The following ST6GALNAC3 variants were observed in gnomAD, a reference collection of about 807,000 sequenced individuals.
The protein encoded by ST6GALNAC3 is alpha-N-acetylgalactosaminide alpha-2,6-sialyltransferase 3.
In ST6GALNAC3, 25 loss-of-function variants were observed where a neutral mutation model predicts 32.7. That is an observed-to-expected ratio of 0.76 (90% confidence interval 0.56 to 1.07). The LOEUF is 1.07. ST6GALNAC3 is among the 50% of genes least tolerant of loss of function. The probability of loss-of-function intolerance (pLI) is 0.00; values close to 1 mark genes in which losing one functional copy is unlikely to be tolerated. For missense variants in ST6GALNAC3, 355 were observed against 382.4 expected, an observed-to-expected ratio of 0.93 and a Z score of 0.60; for synonymous variants, 129 against 133.1, an observed-to-expected ratio of 0.97 and a Z score of 0.21.
At chr1:76,606,041 G>T (rs1161652840) in intron 3 of ST6GALNAC3, among the ~76,000 whole-genome samples, 3 of 151,902 alleles carry the variant, frequency 2.0e-5, no homozygotes, top group African/African-American at 7.3e-5. Flanking sequence ...AGTCAGAGTG[G>T]CAATTATTAA....
At chr1:76,357,130 C>CTTTTTTTTTTTTTTTTTTTTTTTTTTTTT (rs55786044) in intron 2 of ST6GALNAC3, among the ~76,000 whole-genome samples, 1 of 111,176 alleles carries the variant, frequency 9.0e-6, no homozygotes, top group Non-Finnish European at 1.7e-5. Context: ...TTTTCTTTTT[C>CTTTTTTTTTTTTTTTTTTTTTTTTTTTTT]TTTTTTTTTT....
intron 1 of ST6GALNAC3, among the ~76,000 whole-genome samples, chr1:76,291,271 C>G (rs1008139318): frequency 6.6e-6 from 1 of 152,200 alleles, no homozygotes; most frequent in South Asian, 2.1e-4. Context: ...GTTGGAGGGG[C>G]GGGCTGATTG....
At chr1:76,080,696 C>T (rs186391932) in intron 1 of ST6GALNAC3, among the ~76,000 whole-genome samples, 11 of 149,978 alleles carry the variant, frequency 7.3e-5, no homozygotes, top group African/African-American at 2.0e-4. Context: ...GGTTCTCAAA[C>T]GATGAGGTCT....
chr1:76,373,119 T>C (rs1650962622), intron 2 of ST6GALNAC3, among the ~76,000 whole-genome samples: 1 of 152,046 alleles, frequency 6.6e-6, no homozygotes, highest in Admixed American at 6.6e-5. Context: ...TGATAACAGA[T>C]GGTAACAGGA....
chr1:76,615,710 A>G (rs1648249030), intron 3 of ST6GALNAC3, among the ~76,000 whole-genome samples: 1 of 152,182 alleles, frequency 6.6e-6, no homozygotes, highest in Non-Finnish European at 1.5e-5. Flanking sequence ...CAAATAAGGG[A>G]CATTTTCTAA....
chr1:76,306,013 G>T, intron 1 of ST6GALNAC3: 1 of 478,182 alleles, frequency 2.1e-6, no homozygotes, highest in Non-Finnish European at 4.2e-6. Context: ...TTAAAAACTG[G>T]TACCAGCCTT....
chr1:76,432,524 GGC>G (rs1471213480), intron 3 of ST6GALNAC3, among the ~76,000 whole-genome samples: 1 of 133,890 alleles, frequency 7.5e-6, no homozygotes, highest in African/African-American at 2.8e-5. Context: ...GCACAAACAT[GGC>G]TCGCTGAAGC....
At chr1:76,474,046 G>A (rs1659198057) in intron 3 of ST6GALNAC3, among the ~76,000 whole-genome samples, 1 of 152,146 alleles carries the variant, frequency 6.6e-6, no homozygotes, top group Non-Finnish European at 1.5e-5. Context: ...GTGAGACAGT[G>A]AGACAGCATC....
At chr1:76,112,365 G>T (rs1473510457) in intron 1 of ST6GALNAC3, among the ~76,000 whole-genome samples, 3 of 141,974 alleles carry the variant, frequency 2.1e-5, no homozygotes, top group Admixed American at 7.1e-5. Flanking sequence ...CTGGCCGGGC[G>T]GGGGGCTGAC....
chr1:76,195,604 C>T lies in ST6GALNAC3; in HGVS notation c.19-118201C>T, dbSNP rs527714530. Among the ~76,000 whole-genome samples, 13 of 152,278 alleles carry T rather than the reference C, an allele frequency of 8.5e-5. No homozygotes were observed. In the South Asian group the frequency reaches 2.3e-3, roughly 27 times the overall value. Reference sequence around the variant, plus strand: ...GCCACTGCCTTAATTTGTGCTAAGGCGCTAGCAATTTTACTGACCATTGCT... The same window carrying T: ...GCCACTGCCTTAATTTGTGCTAAGGTGCTAGCAATTTTACTGACCATTGCT... On this transcript the variant is annotated intron_variant, in intron 1 of 4. Coordinates refer to ENST00000328299, the MANE Select transcript of ST6GALNAC3 (RefSeq NM_152996.4).
intron 3 of ST6GALNAC3, among the ~76,000 whole-genome samples, chr1:76,441,224 A>G (rs1656578269): frequency 6.6e-6 from 1 of 152,090 alleles, no homozygotes; most frequent in South Asian, 2.1e-4. Flanking sequence ...ATGATCATAA[A>G]TATCATTTAC....
chr1:76,258,277 ATATT>A (rs1178957939), intron 1 of ST6GALNAC3, among the ~76,000 whole-genome samples: 1 of 152,192 alleles, frequency 6.6e-6, no homozygotes, highest in African/African-American at 2.4e-5. Flanking sequence ...CATTCCATAA[ATATT>A]TATCAAGCAC....
At chr1:76,595,982 G>A (rs1647130853) in intron 3 of ST6GALNAC3, among the ~76,000 whole-genome samples, 1 of 152,018 alleles carries the variant, frequency 6.6e-6, no homozygotes, top group African/African-American at 2.4e-5. Context: ...TTTACTCAGG[G>A]GATGCAGCTT....
chr1:76,382,117 G>A lies in ST6GALNAC3; in HGVS notation c.214-29891G>A, dbSNP rs552147344. 3.3e-5 allele frequency among the ~76,000 whole-genome samples: 5 copies of A among 152,200 alleles called. No individual in the cohort carries two copies. The South Asian group carries it at 1.0e-3, about 32-fold the overall frequency. On this transcript the variant is annotated intron_variant, in intron 2 of 4. Transcript: ENST00000328299. ...ACTGAACATAGACCATTCTCTAGTG[G>A]ATCAAGATAACCTGTGTATGTTCTG...
intron 3 of ST6GALNAC3, among the ~76,000 whole-genome samples, chr1:76,495,643 T>G (rs1421342798): frequency 6.6e-6 from 1 of 152,082 alleles, no homozygotes; most frequent in Non-Finnish European, 1.5e-5. Flanking sequence ...TTCCTAAAGA[T>G]AAACTTTTAA....
At chr1:76,603,991 A>G (rs1647367580) in intron 3 of ST6GALNAC3, among the ~76,000 whole-genome samples, 1 of 152,222 alleles carries the variant, frequency 6.6e-6, no homozygotes, top group African/African-American at 2.4e-5. Flanking sequence ...TGTTGGTCTA[A>G]AACATAACAC....
At chr1:76,607,442 T>C (rs1647634656) in intron 3 of ST6GALNAC3, among the ~76,000 whole-genome samples, 1 of 152,114 alleles carries the variant, frequency 6.6e-6, no homozygotes, top group Non-Finnish European at 1.5e-5. Flanking sequence ...ATCATATAAT[T>C]GGTTCCCCTG....
chr1:76,368,567 A>G (rs1407976901), intron 2 of ST6GALNAC3, among the ~76,000 whole-genome samples: 1 of 152,142 alleles, frequency 6.6e-6, no homozygotes, highest in East Asian at 1.9e-4. Context: ...GAGCTTCCTA[A>G]GGGTAGAAAT....
At chr1:76,488,932 G>A (rs7539513) in intron 3 of ST6GALNAC3, among the ~76,000 whole-genome samples, 37,628 of 151,904 alleles carry the variant, frequency 0.25, 6,277 homozygotes, top group African/African-American at 0.48. Context: ...GAAATTGTGT[G>A]ATCATCTTTC....
Sources: gnomAD v4.1 joint callset for allele counts (sites outside exome capture counted in the v4.1 genomes callset) on GRCh38, gnomAD v4.1.1 for gene constraint, MANE v1.5 for transcripts, NCBI Gene and HGNC (gene_info 2026-07-23, HGNC 2026-07-21) for gene names.